Variants in LURAP1 observed in about 807,000 individuals in gnomAD.
LURAP1 encodes leucine rich adaptor protein 1.
A neutral mutation model predicts 19.0 loss-of-function variants in LURAP1; 14 were observed. That is an observed-to-expected ratio of 0.74 (90% CI 0.49 to 1.15). The LOEUF (loss-of-function observed/expected upper bound fraction) is 1.15, where lower values mean the gene tolerates loss of function less well. Ranked by LOEUF, LURAP1 falls within the 50% of genes most tolerant of loss-of-function variation. The pLI, the probability that LURAP1 is intolerant of heterozygous loss-of-function variation, is 0.00. For missense variants in LURAP1, 273 were observed against 309.1 expected (o/e 0.88, Z 0.87); for synonymous variants, 129 against 131.8 (o/e 0.98, Z 0.14).
Position 46,203,475 on chromosome 1 carries a change from G to A in LURAP1, c.49G>A (p.Gly17Ser). The A allele has an allele frequency of 6.6e-7, 1 of 1,522,160 alleles. No homozygotes were observed. Among genetic ancestry groups the A allele is most frequent in the Non-Finnish European group, 8.8e-7 (1 of 1,135,470 alleles). 94.3% of individuals were successfully genotyped at this position (1,522,160 alleles called of 1,614,324 possible). Reference protein sequence around the residue: ...SQTPDLRDVEGKVGRKTPEGL... With the variant: ...SQTPDLRDVESKVGRKTPEGL... Reference sequence around the variant, plus strand: ...GACGCCTGACCTGCGGGATGTGGAGGGTAAGGTGGGCAGGAAGACCCCTGA... The same window carrying A: ...GACGCCTGACCTGCGGGATGTGGAGAGTAAGGTGGGCAGGAAGACCCCTGA... The change falls in exon 1 of 2, where the codon GGT becomes AGT. Residue 17 changes from glycine (G) to serine (S), a missense_variant. Transcript: ENST00000371980.
chr1:46,206,885 A>G (rs1239614161), intron 1 of LURAP1, among the ~76,000 whole-genome samples: 1 of 152,172 alleles, frequency 6.6e-6, no homozygotes, highest in Admixed American at 6.5e-5. Context: ...TTAGGGAAGG[A>G]GGAGACAGAA....
chr1:46,212,490 C>T (rs553540001), intron 1 of LURAP1, among the ~76,000 whole-genome samples: 1 of 152,090 alleles, frequency 6.6e-6, no homozygotes, highest in East Asian at 1.9e-4. Context: ...ACCGTGTTAG[C>T]CAGGATGGTC....
At position 46,220,143 on chromosome 1, in the gene LURAP1, G is replaced by C; in HGVS notation, c.643G>C (p.Glu215Gln). 2 of 1,614,192 alleles carry C rather than the reference G, an allele frequency of 1.2e-6. No homozygotes were observed. Among genetic ancestry groups the C allele is most frequent in the Non-Finnish European group, 1.7e-6 (2 of 1,180,028 alleles). ...TCAAGGTGGACCACCTGAGTCACCA[G>C]AGGATGAGAGTGCCAAGCTGGGCTT... is the stretch of plus-strand genomic sequence containing the variant. ...RLQGGPPESP[E>Q]DESAKLGFEA... is the part of the protein sequence containing the mutation. Residue 215 changes from glutamate to glutamine, a missense_variant, in exon 2 of 2, where the codon GAG (glutamate) becomes CAG (glutamine). By Grantham distance (29) the Glu-to-Gln change is conservative (BLOSUM62 2). Transcript: ENST00000371980.
chr1:46,219,340 T>G (rs1659161678), intron 1 of LURAP1, among the ~76,000 whole-genome samples: 1 of 152,002 alleles, frequency 6.6e-6, no homozygotes, highest in Non-Finnish European at 1.5e-5. Context: ...GTTCAAAGCT[T>G]AATAGGATTG....
intron 1 of LURAP1, among the ~76,000 whole-genome samples, chr1:46,214,351 GAAAA>G (rs57471712): frequency 7.8e-6 from 1 of 127,426 alleles, no homozygotes; most frequent in Non-Finnish European, 1.7e-5. Flanking sequence ...GTCTCAAAAA[GAAAA>G]AAAAAAAGGA....
chr1:46,215,225 CA>C (rs35554687), intron 1 of LURAP1, among the ~76,000 whole-genome samples: 27,618 of 75,388 alleles, frequency 0.37, 2,317 homozygotes, highest in Admixed American at 0.4. Flanking sequence ...AACTCTGTCT[CA>C]AAAAAAAAAA....
intron 1 of LURAP1, among the ~76,000 whole-genome samples, chr1:46,216,523 G>T (rs1659076965): frequency 1.3e-5 from 2 of 151,910 alleles, no homozygotes; most frequent in Admixed American, 6.6e-5. Context: ...TAAATTTTTT[G>T]TAGAGACAGT....
intron 1 of LURAP1, among the ~76,000 whole-genome samples, chr1:46,216,661 G>T (rs1177002183): frequency 6.6e-6 from 1 of 152,012 alleles, no homozygotes. Context: ...TTTTAGATTC[G>T]GAGGGGGGTA....
chr1:46,209,467 CTG>C, intron 1 of LURAP1, among the ~76,000 whole-genome samples: 2 of 152,040 alleles, frequency 1.3e-5, no homozygotes, highest in East Asian at 3.9e-4. Context: ...CCCTCCCTAA[CTG>C]TGCAACCAGG....
intron 1 of LURAP1, among the ~76,000 whole-genome samples, chr1:46,209,532 GTTTTC>G (rs1658825835): frequency 7.3e-6 from 1 of 137,432 alleles, no homozygotes; most frequent in South Asian, 2.3e-4. Context: ...TTCTGTTGTT[GTTTTC>G]TTTTTTTTTT....
At chr1:46,210,214 G>A (rs1658850529) in intron 1 of LURAP1, among the ~76,000 whole-genome samples, 1 of 152,016 alleles carries the variant, frequency 6.6e-6, no homozygotes, top group Admixed American at 6.6e-5. Context: ...ATAATTTCAG[G>A]TATAAAATTT....
chr1:46,208,051 G>A (rs978481695), intron 1 of LURAP1, among the ~76,000 whole-genome samples: 1 of 151,508 alleles, frequency 6.6e-6, no homozygotes, highest in Non-Finnish European at 1.5e-5. Flanking sequence ...GTAGAGATGG[G>A]GTTTCACCAC....
At chr1:46,210,482 T>A (rs868722710) in intron 1 of LURAP1, among the ~76,000 whole-genome samples, 1 of 151,774 alleles carries the variant, frequency 6.6e-6, no homozygotes, top group African/African-American at 2.4e-5. Flanking sequence ...CCCAAGACTG[T>A]CCCCCTCTTC....
chr1:46,219,657 A>T, intron 1 of LURAP1, 42 bp from the exon 2 acceptor site: 1 of 1,521,828 alleles, frequency 6.6e-7, no homozygotes, highest in Non-Finnish European at 8.8e-7. Context: ...GGGGAAACCC[A>T]TGCCCCAGAA....
intron 1 of LURAP1, among the ~76,000 whole-genome samples, chr1:46,218,939 T>C (rs968901016): frequency 3.3e-5 from 5 of 152,072 alleles, no homozygotes. Context: ...ACTTCCTGAT[T>C]AACACCCTAT....
At chr1:46,215,241 AAAG>A (rs1659030256) in intron 1 of LURAP1, among the ~76,000 whole-genome samples, 14 of 151,890 alleles carry the variant, frequency 9.2e-5, no homozygotes, top group Admixed American at 9.2e-4. Context: ...AAAAAAAAAA[AAAG>A]AGATGCAAGA....
At chr1:46,208,950 A>G (rs1196717642) in intron 1 of LURAP1, among the ~76,000 whole-genome samples, 1 of 152,242 alleles carries the variant, frequency 6.6e-6, no homozygotes, top group Non-Finnish European at 1.5e-5. Flanking sequence ...GAAATTCAGA[A>G]GGAAGAGTGG....
chr1:46,219,752 T>C lies in LURAP1; in HGVS notation c.252T>C (p.Asn84=), dbSNP rs531820342. Residue 84 remains asparagine, a synonymous_variant, in exon 2 of 2, where the codon AAT becomes AAC. Coordinates refer to ENST00000371980, the MANE Select transcript of LURAP1 (RefSeq NM_001013615.3). ...TCCTGCAGCAGCTGGTGACCTTGAA[T>C]GAGGGCATCGAGGCAGTGCGCTGGC... ...VKILQQLVTL[N]EGIEAVRWLL... is the part of the protein sequence containing the mutation. 8 of 1,612,570 alleles carry C rather than the reference T, an allele frequency of 5.0e-6. No homozygotes were observed. The South Asian group carries it at 8.8e-5, about 18-fold the overall frequency.
chr1:46,203,855 G>A (rs1009764153), intron 1 of LURAP1, among the ~76,000 whole-genome samples: 1 of 152,102 alleles, frequency 6.6e-6, no homozygotes, highest in Admixed American at 6.5e-5. Context: ...CTTGGGTTGG[G>A]AGCAGTGGGT....
Sources: gnomAD v4.1 joint callset for allele counts (sites outside exome capture counted in the v4.1 genomes callset) on GRCh38, gnomAD v4.1.1 for gene constraint, MANE v1.5 for transcripts, NCBI Gene and HGNC (gene_info 2026-07-23, HGNC 2026-07-21) for gene names.